Variants in INO80D observed in about 807,000 individuals in gnomAD.
INO80D encodes INO80 complex subunit D.
A neutral mutation model predicts 87.6 loss-of-function variants in INO80D; 21 were observed. The ratio of observed to expected loss-of-function variants is 0.24; its 90% CI spans 0.17 to 0.35. The LOEUF (loss-of-function observed/expected upper bound fraction) is 0.35, where lower values mean the gene tolerates loss of function less well. INO80D is among the 10% of genes least tolerant of loss of function. The pLI is 1.00. For synonymous variants in INO80D, 440 were observed against 491.0 expected (o/e 0.90, Z 1.37); for missense variants, 982 against 1,280.7 (o/e 0.77, Z 3.56).
rs1687944896 is a variant in INO80D at position 206,003,676 on chromosome 2, T to C, written c.*692A>G. ...CCAACCTTATTAGGACTGTGAGATG[T>C]AGGACAGGAGAAAAGTAAGAGTTTT... On this transcript the variant is annotated 3_prime_UTR_variant, in exon 11 of 11. Coordinates refer to ENST00000403263, the MANE Select transcript of INO80D (RefSeq NM_017759.5). 6.6e-6 allele frequency: 1 copy of C among 152,578 alleles called. No individual in the cohort carries two copies. The allele number at this position is 152,578 out of a possible 1,614,324, so 9.5% of individuals were successfully genotyped here.
chr2:206,085,363 C>T lies in INO80D; in HGVS notation c.-124+538G>A, dbSNP rs1433990368. On this transcript the variant is annotated intron_variant, in intron 1 of 10. Coordinates refer to ENST00000403263, the MANE Select transcript of INO80D (RefSeq NM_017759.5). The surrounding 1 kb of genome is among the most constrained non-coding windows in gnomAD (Gnocchi z 4.5). Reference sequence around the variant, plus strand: ...GCGAGAGACCCGGGGGAAGGGGAGCCGGGCGCCCATTCCCCACTCCCCACT... The same window carrying T: ...GCGAGAGACCCGGGGGAAGGGGAGCTGGGCGCCCATTCCCCACTCCCCACT... 5.3e-5 allele frequency among the ~76,000 whole-genome samples: 8 copies of T among 151,796 alleles called. No individual in the cohort carries two copies. The highest frequency in any genetic ancestry group is 1.2e-4 in the Non-Finnish European group (8 of 67,862).
intron 1 of INO80D, among the ~76,000 whole-genome samples, chr2:206,080,751 G>GA (rs1690255904): frequency 6.6e-6 from 1 of 151,434 alleles, no homozygotes; most frequent in Non-Finnish European, 1.5e-5. Flanking sequence ...ACTAAAAATA[G>GA]AAAAAATTAG....
Position 206,050,496 on chromosome 2 carries a change from G to GAA in INO80D, c.965-3886_965-3885dup, listed in dbSNP as rs3079265. 7.1e-3 allele frequency among the ~76,000 whole-genome samples: 704 copies of GAA among 99,476 alleles called. 24 individuals carry two copies. The highest frequency in any genetic ancestry group is 9.1e-3 in the Non-Finnish European group (509 of 55,834). The allele number at this position is 99,476 out of a possible 152,430, so 65.3% of individuals were successfully genotyped here. Reference sequence around the variant, plus strand: ...GACAGAGCAGGACTCCGTCTCAAAAGAAAAAAAAAAAAAAAAAAAAAAAAA... The same window carrying GAA: ...GACAGAGCAGGACTCCGTCTCAAAAGAAAAAAAAAAAAAAAAAAAAAAAAAAA... On this transcript the variant is annotated intron_variant, in intron 4 of 10. Transcript: ENST00000403263.
intron 8 of INO80D, among the ~76,000 whole-genome samples, chr2:206,015,319 C>T (rs1688288846): frequency 6.6e-6 from 1 of 152,188 alleles, no homozygotes; most frequent in South Asian, 2.1e-4. Context: ...TTCTCGGCAG[C>T]CCCTCCCATC....
chr2:206,006,244 G>C lies in INO80D; in HGVS notation c.1919-711C>G, dbSNP rs1358704549. Among the ~76,000 whole-genome samples the C allele has an allele frequency of 2.0e-5, 3 of 152,178 alleles. 1 individual carries two copies. The South Asian group carries it at 6.2e-4, about 32-fold the overall frequency. On this transcript the variant is annotated intron_variant, in intron 10 of 10. Coordinates refer to ENST00000403263, the MANE Select transcript of INO80D (RefSeq NM_017759.5). The stretch of plus-strand genomic sequence containing the variant: ...ATGGAAATATTCGATTTTTAATGGT[G>C]AAAGAAACATTCTAAAAGTATAAAA...
intron 4 of INO80D, among the ~76,000 whole-genome samples, 164 bp downstream of exon 4, chr2:206,056,034 T>C (rs976631614): frequency 6.6e-6 from 1 of 152,230 alleles, no homozygotes; most frequent in Non-Finnish European, 1.5e-5. Context: ...ACTGTGTTTA[T>C]TTTAAGGTGG....
chr2:206,058,601 G>T (rs1285194067), intron 3 of INO80D, among the ~76,000 whole-genome samples: 1 of 151,916 alleles, frequency 6.6e-6, no homozygotes, highest in East Asian at 1.9e-4. Context: ...CAGATATGAT[G>T]GTAGATGCCT....
At chr2:206,082,779 G>A (rs376211781) in intron 1 of INO80D, among the ~76,000 whole-genome samples, 1 of 152,184 alleles carries the variant, frequency 6.6e-6, no homozygotes. Flanking sequence ...CTAACCCTCA[G>A]AGAACATCTC....
At chr2:206,019,579 A>G (rs974335386) in intron 7 of INO80D, among the ~76,000 whole-genome samples, 157 bp downstream of exon 7, 3 of 152,250 alleles carry the variant, frequency 2.0e-5, no homozygotes, top group African/African-American at 7.2e-5. Context: ...AAGAAAAATT[A>G]TTCAGAGGAC....
chr2:206,014,172 AAAC>A (rs1263850551), intron 8 of INO80D, among the ~76,000 whole-genome samples: 43 of 148,110 alleles, frequency 2.9e-4, no homozygotes, highest in East Asian at 1.6e-3. Flanking sequence ...AAAAAAAAAA[AAAC>A]AACCTATATT....
intron 5 of INO80D, among the ~76,000 whole-genome samples, chr2:206,045,861 C>T (rs1257820478): frequency 8.5e-5 from 13 of 152,328 alleles, no homozygotes; most frequent in Middle Eastern, 3.4e-3. Flanking sequence ...TGGGACTCCA[C>T]GTAGCCCCCC....
At chr2:206,079,664 T>C (rs1443042775) in intron 1 of INO80D, among the ~76,000 whole-genome samples, 1 of 152,174 alleles carries the variant, frequency 6.6e-6, no homozygotes, top group East Asian at 1.9e-4. Context: ...TACAGTCTTG[T>C]CCTCCTTTTT....
At chr2:206,009,408 A>G (rs1036252198) in intron 9 of INO80D, among the ~76,000 whole-genome samples, 169 bp downstream of exon 9, 4 of 152,244 alleles carry the variant, frequency 2.6e-5, no homozygotes, top group African/African-American at 9.6e-5. Flanking sequence ...GATCAAATAC[A>G]GCCAGATATA....
At chr2:206,042,642 T>C (rs977057319) in intron 5 of INO80D, among the ~76,000 whole-genome samples, 3 of 146,926 alleles carry the variant, frequency 2.0e-5, no homozygotes, top group African/African-American at 5.0e-5. Flanking sequence ...AATCGTGCCA[T>C]TGCACTCCAG....
At position 206,006,606 on chromosome 2, in the gene INO80D, A is replaced by T. The variant is rs573963217; in HGVS notation, c.1918+678T>A. On this transcript the variant is annotated intron_variant, in intron 10 of 10. Coordinates refer to ENST00000403263, the MANE Select transcript of INO80D (RefSeq NM_017759.5). Reference sequence around the variant, plus strand: ...GCTGAGGCAGGAGAATCGCTGGAACATGGGAGGCAGAGGTTGCAATGAGCC... The same window carrying T: ...GCTGAGGCAGGAGAATCGCTGGAACTTGGGAGGCAGAGGTTGCAATGAGCC... 8.7e-5 allele frequency among the ~76,000 whole-genome samples: 13 copies of T among 148,724 alleles called. 2 individuals carry two copies. The highest frequency in any genetic ancestry group is 3.2e-4 in the African/African-American group (13 of 40,322).
intron 1 of INO80D, among the ~76,000 whole-genome samples, chr2:206,082,240 G>C (rs1229390927): frequency 1.3e-5 from 2 of 152,028 alleles, no homozygotes; most frequent in Admixed American, 6.6e-5. Context: ...GGCTGGTCTC[G>C]AACTCCGGAC....
intron 1 of INO80D, among the ~76,000 whole-genome samples, chr2:206,066,662 CA>C (rs1452983144): frequency 6.6e-6 from 1 of 151,726 alleles, no homozygotes; most frequent in Non-Finnish European, 1.5e-5. Flanking sequence ...AAAATTAGTT[CA>C]GTGTGGTGGC....
rs932684672 is a variant in INO80D at position 205,996,837 on chromosome 2, G to C, written c.*7531C>G. On this transcript the variant is annotated 3_prime_UTR_variant, in exon 11 of 11. Coordinates refer to ENST00000403263, the MANE Select transcript of INO80D (RefSeq NM_017759.5). The stretch of plus-strand genomic sequence containing the variant: ...TTTTTCTAGCAAATCCCATTAACCA[G>C]CAACTGAAGGGAGAAATGGCACCAG... The C allele has an allele frequency of 6.6e-6, 1 of 151,876 alleles. No homozygotes were observed. The highest frequency in any genetic ancestry group is 1.5e-5 in the Non-Finnish European group (1 of 67,948). 9.4% of individuals were successfully genotyped at this position (151,876 alleles called of 1,614,324 possible).
chr2:206,018,797 G>C (rs757974065), intron 7 of INO80D, among the ~76,000 whole-genome samples: 1 of 152,148 alleles, frequency 6.6e-6, no homozygotes, highest in African/African-American at 2.4e-5. Context: ...AGGTACTCAG[G>C]AGGCTGTGAT....
Sources: gnomAD v4.1 joint callset for allele counts (sites outside exome capture counted in the v4.1 genomes callset) on GRCh38, gnomAD v4.1.1 for gene constraint, Gnocchi (gnomAD v3.1) non-coding constraint, MANE v1.5 for transcripts, NCBI Gene and HGNC (gene_info 2026-07-23, HGNC 2026-07-21) for gene names.